The following TNRC6B variants were observed in gnomAD, a reference collection of about 807,000 sequenced individuals.
The protein encoded by TNRC6B is trinucleotide repeat-containing gene 6B protein.
In TNRC6B, 52 loss-of-function variants were observed where a neutral mutation model predicts 203.6. The ratio of observed to expected loss-of-function variants is 0.26; its 90% CI spans 0.20 to 0.32. TNRC6B has a LOEUF of 0.32. Ranked by LOEUF, TNRC6B falls within the 10% of genes least tolerant of loss-of-function variation. TNRC6B has a pLI of 1.00. For missense variants in TNRC6B, 1,923 were observed against 2,286.2 expected, an observed-to-expected ratio of 0.84 and a Z score of 3.24; for synonymous variants, 838 against 845.7, an observed-to-expected ratio of 0.99 and a Z score of 0.16.
chr22:40,051,299 T>G (rs973894310), intron 1 of TNRC6B, among the ~76,000 whole-genome samples: 2 of 152,198 alleles, frequency 1.3e-5, no homozygotes, highest in African/African-American at 4.8e-5. Context: ...AGACTAGATC[T>G]AAACTAAACT....
At chr22:40,248,786 C>T (rs2070143942) in intron 2 of TNRC6B, among the ~76,000 whole-genome samples, 2 of 152,182 alleles carry the variant, frequency 1.3e-5, no homozygotes, top group Admixed American at 1.3e-4. Context: ...AAAATTCTAT[C>T]GTTTTTGCTC....
Position 40,312,597 on chromosome 22 carries a change from G to A in TNRC6B, c.4528G>A (p.Ala1510Thr), listed in dbSNP as rs188787338. ...VTPGSVLGGTATSPIVDTDHQ... is the reference protein window; with the variant it reads ...VTPGSVLGGTTTSPIVDTDHQ... ...CCCAGGAAGTGTGCTGGGGGGTACA[G>A]CCACATCTCCCATTGTAGATACTGA... Residue 1510 changes from alanine (A) to threonine (T), a missense_variant, in exon 18 of 23, where the codon GCC (alanine) becomes ACC (threonine). Transcript: ENST00000454349. 3.1e-6 allele frequency: 5 copies of A among 1,614,006 alleles called. No homozygotes were observed. The Admixed American group carries it at 6.7e-5, about 22-fold the overall frequency.
rs1555901173 is a variant in TNRC6B at position 40,326,896 on chromosome 22, A to T, written c.*3655A>T. ...AGAAGAATCTAATAAGGAACAAGTG[A>T]TTTTACTTTTTTAGCTCCCAGCTAC... On this transcript the variant is annotated 3_prime_UTR_variant, in exon 23 of 23. Coordinates refer to ENST00000454349, the MANE Select transcript of TNRC6B (RefSeq NM_001162501.2). 1 of 152,554 alleles carries T rather than the reference A, an allele frequency of 6.6e-6. No individual in the cohort carries two copies. The highest frequency in any genetic ancestry group is 1.5e-5 in the Non-Finnish European group (1 of 68,036). 9.5% of individuals were successfully genotyped at this position (152,554 alleles called of 1,614,324 possible).
At chr22:40,197,606 CTT>C (rs10715847) in intron 1 of TNRC6B, among the ~76,000 whole-genome samples, 76 of 139,338 alleles carry the variant, frequency 5.5e-4, no homozygotes, top group Non-Finnish European at 6.2e-4. Flanking sequence ...TTTTCTTTTT[CTT>C]TTTTTTTTTT....
At chr22:40,252,733 C>A (rs1037804556) in intron 3 of TNRC6B, among the ~76,000 whole-genome samples, 4 of 152,128 alleles carry the variant, frequency 2.6e-5, no homozygotes, top group Non-Finnish European at 4.4e-5. Flanking sequence ...TTGGAAGGAT[C>A]TTTGTAAATT....
rs1285943627 is a variant in TNRC6B at position 40,335,768 on chromosome 22, A to AAAAAAAG, written c.*12531_*12532insAAGAAAA. The AAAAAAAG allele has an allele frequency of 1.3e-5, 2 of 151,198 alleles. No individual in the cohort carries two copies. The highest frequency in any genetic ancestry group is 2.4e-5 in the African/African-American group (1 of 41,106). 9.4% of individuals were successfully genotyped at this position (151,198 alleles called of 1,614,324 possible). The stretch of plus-strand genomic sequence containing the variant: ...CAAAATATTTTTGGGTTCCTGGAAA[A>AAAAAAAG]AAAAGAAAAAAGACTAATAAATGTG... On this transcript the variant is annotated 3_prime_UTR_variant, in exon 23 of 23. Transcript: ENST00000454349.
chr22:40,106,733 A>C, intron 1 of TNRC6B: 2 of 766,162 alleles, frequency 2.6e-6, no homozygotes, highest in South Asian at 2.7e-5. Context: ...AAGGCGAAGA[A>C]GCTGCAACAC....
At chr22:40,173,118 GT>G (rs982717996), upstream of TNRC6B, among the ~76,000 whole-genome samples, 1 of 151,832 alleles carries the variant, frequency 6.6e-6, no homozygotes, top group Admixed American at 6.6e-5. Context: ...TTTTGGTTTT[GT>G]TTTTTGGTTT....
intron 1 of TNRC6B, among the ~76,000 whole-genome samples, chr22:40,052,316 T>C (rs910383542): frequency 2.0e-5 from 3 of 152,142 alleles, no homozygotes; most frequent in Non-Finnish European, 4.4e-5. Context: ...AATATTACAA[T>C]ATTTAACAAC....
chr22:40,192,014 C>T (rs1601872051), intron 1 of TNRC6B, among the ~76,000 whole-genome samples: 1 of 152,142 alleles, frequency 6.6e-6, no homozygotes, highest in African/African-American at 2.4e-5. Context: ...CAGACGTGAG[C>T]CACCGCGCCC....
intron 1 of TNRC6B, among the ~76,000 whole-genome samples, chr22:40,224,895 T>C (rs750777016): frequency 1.3e-5 from 2 of 152,284 alleles, no homozygotes; most frequent in Non-Finnish European, 2.9e-5. Context: ...TCTTTGCTGA[T>C]GCAGAGTAGG....
At chr22:40,221,055 C>T (rs1452814691) in intron 1 of TNRC6B, among the ~76,000 whole-genome samples, 1 of 152,154 alleles carries the variant, frequency 6.6e-6, no homozygotes, top group Non-Finnish European at 1.5e-5. Context: ...TGGCATCCCC[C>T]CTGGTGTCTG....
At chr22:40,123,490 TC>T (rs1268128168) in intron 2 of TNRC6B, among the ~76,000 whole-genome samples, 2 of 152,168 alleles carry the variant, frequency 1.3e-5, no homozygotes, top group African/African-American at 2.4e-5. Flanking sequence ...CATCCCTTCT[TC>T]CTCTCCCGAC....
At chr22:40,302,419 G>A (rs531242815) in intron 15 of TNRC6B, among the ~76,000 whole-genome samples, 1 of 152,274 alleles carries the variant, frequency 6.6e-6, no homozygotes, top group African/African-American at 2.4e-5. Context: ...CAGATCACGA[G>A]GTCAGGAGAT....
chr22:40,244,541 G>T (rs1374923385), intron 1 of TNRC6B, among the ~76,000 whole-genome samples: 1 of 149,112 alleles, frequency 6.7e-6, no homozygotes, highest in African/African-American at 2.5e-5. Flanking sequence ...GGTTCCTTTT[G>T]TATAGTTTCA....
At chr22:40,233,390 G>C (rs904956317) in intron 1 of TNRC6B, among the ~76,000 whole-genome samples, 1 of 151,824 alleles carries the variant, frequency 6.6e-6, no homozygotes, top group Non-Finnish European at 1.5e-5. Context: ...TTGGGAGGCC[G>C]AGGAGGGTGG....
intron 1 of TNRC6B, among the ~76,000 whole-genome samples, chr22:40,240,753 A>G (rs1337548190): frequency 6.6e-6 from 1 of 152,174 alleles, no homozygotes; most frequent in Non-Finnish European, 1.5e-5. Context: ...CTTAGAAGCA[A>G]TTGATGATCA....
chr22:40,196,968 C>G (rs1392109265), intron 1 of TNRC6B, among the ~76,000 whole-genome samples: 1 of 152,112 alleles, frequency 6.6e-6, no homozygotes, highest in African/African-American at 2.4e-5. Context: ...GTGCTGACAG[C>G]TCAGTGACCA....
chr22:40,232,892 C>T (rs2069894627), intron 1 of TNRC6B, among the ~76,000 whole-genome samples: 2 of 152,146 alleles, frequency 1.3e-5, no homozygotes, highest in Non-Finnish European at 2.9e-5. Context: ...TGGCTCACGC[C>T]TGTAATCCCA....
Sources: gnomAD v4.1 joint callset for allele counts (sites outside exome capture counted in the v4.1 genomes callset) on GRCh38, gnomAD v4.1.1 for gene constraint, MANE v1.5 for transcripts, NCBI Gene and HGNC (gene_info 2026-07-23, HGNC 2026-07-21) for gene names.